The following SLC39A12 variants were observed in gnomAD, a reference collection of about 807,000 sequenced individuals.
SLC39A12 encodes the protein zinc transporter ZIP12.
Under a neutral mutation model 71.1 loss-of-function variants are expected in SLC39A12, and 63 were observed. The observed-to-expected ratio is 0.89, with a 90% confidence interval of 0.72 to 1.09. SLC39A12 has a LOEUF of 1.09. Ranked by LOEUF, SLC39A12 falls within the 50% of genes least tolerant of loss-of-function variation. The pLI is 0.00. For missense variants in SLC39A12, 892 were observed against 812.6 expected (o/e 1.10, Z -1.19); for synonymous variants, 351 against 301.3 (o/e 1.16, Z -1.71).
rs746406849 is a variant in SLC39A12, at chr10:17,977,912, A to G, written c.762A>G (p.Gln254=). 3.2e-6 allele frequency: 5 copies of G among 1,585,794 alleles called. No homozygotes were observed. The Admixed American group carries it at 9.5e-5, about 30-fold the overall frequency. ...TNTLRLSELD[Q]LLNTLWTRST... ...ATATGAAATTTCTAGAACTAGACCA[A>G]CTCCTCAACACTCTCTGGACCAGAA... The change falls in exon 5 of 13, where the codon CAA becomes CAG. Residue 254 remains glutamine (Q), a synonymous_variant. Transcript: ENST00000377369.
At chr10:18,026,888 AT>A in intron 12 of SLC39A12, among the ~76,000 whole-genome samples, 1 of 151,328 alleles carries the variant, frequency 6.6e-6, no homozygotes, top group South Asian at 2.1e-4. Flanking sequence ...TATAATTTCC[AT>A]TTTTCTGCTT....
chr10:18,005,454 T>C lies in SLC39A12; in HGVS notation c.1947+2096T>C, dbSNP rs113784758. 425 of 152,366 alleles carry C rather than the reference T, an allele frequency of 2.8e-3. 2 individuals are homozygous for C. Among genetic ancestry groups the C allele is most frequent in the African/African-American group, 9.7e-3 (402 of 41,584 alleles). 9.4% of individuals were successfully genotyped at this position (152,366 alleles called of 1,614,324 possible). On this transcript the variant is annotated intron_variant, in intron 12 of 12. Transcript: ENST00000377369. ...TCAGTCCTCAGATTCACTCTTGAGC[T>C]TCCTAATTTTCAACTTTCGATTTCT...
At chr10:18,010,420 T>C (rs1207413777) in intron 12 of SLC39A12, 1 of 152,200 alleles carries the variant, frequency 6.6e-6, no homozygotes, top group Non-Finnish European at 1.5e-5. Context: ...ATCCTTTGGC[T>C]GAGAAAGAAA....
intron 4 of SLC39A12, among the ~76,000 whole-genome samples, chr10:17,968,955 C>G (rs374570456): frequency 6.6e-6 from 1 of 152,038 alleles, no homozygotes; most frequent in African/African-American, 2.4e-5. Flanking sequence ...ATTTCCCAAC[C>G]TCTGGAAACC....
intron 12 of SLC39A12, chr10:18,010,618 A>G (rs1836187248): frequency 6.6e-6 from 1 of 152,200 alleles, no homozygotes; most frequent in East Asian, 1.9e-4. Context: ...TGAGTAATTA[A>G]GCCAACTTTG....
intron 4 of SLC39A12, among the ~76,000 whole-genome samples, chr10:17,977,467 G>A (rs1187639226): frequency 6.6e-6 from 1 of 152,012 alleles, no homozygotes; most frequent in East Asian, 1.9e-4. Context: ...GCTATACTGA[G>A]GGAAACTAAT....
chr10:17,999,090 A>G (rs1589239252), intron 10 of SLC39A12, among the ~76,000 whole-genome samples: 1 of 152,066 alleles, frequency 6.6e-6, no homozygotes, highest in African/African-American at 2.4e-5. Flanking sequence ...GGAGGTCAGG[A>G]GTTCGAGACC....
intron 12 of SLC39A12, chr10:18,008,412 A>C (rs111964090): frequency 0.048 from 7,342 of 152,344 alleles, 226 homozygotes; most frequent in South Asian, 0.082. Context: ...CAGGAAAACA[A>C]GCTTAGGGCC....
chr10:17,984,667 T>C (rs540837332), intron 6 of SLC39A12, among the ~76,000 whole-genome samples: 1 of 152,334 alleles, frequency 6.6e-6, no homozygotes, highest in Admixed American at 6.5e-5. Flanking sequence ...ATTAGAATGA[T>C]AAAAGACACG....
In SLC39A12 at chr10:17,966,868, G is replaced by A. The variant is rs184812043; in HGVS notation, c.751+1178G>A. Among the ~76,000 whole-genome samples, 597 of 152,032 alleles carry A rather than the reference G, an allele frequency of 3.9e-3. 14 individuals are homozygous for A. Among genetic ancestry groups the A allele is most frequent in the South Asian group, 0.027 (132 of 4,808 alleles). ...GTGTGCCTGTAGTCCCAGCTACTCCGGAGGCTGAGGCAGGAGAATTGCTTG... is the reference window on the plus strand; with the variant it reads ...GTGTGCCTGTAGTCCCAGCTACTCCAGAGGCTGAGGCAGGAGAATTGCTTG... On this transcript the variant is annotated intron_variant, in intron 4 of 12. Coordinates refer to ENST00000377369, the MANE Select transcript of SLC39A12 (RefSeq NM_001145195.2).
intron 2 of SLC39A12, 56 bp downstream of exon 2, chr10:17,953,593 A>G (rs1834464059): frequency 6.4e-7 from 1 of 1,572,848 alleles, no homozygotes; most frequent in Non-Finnish European, 8.6e-7. Flanking sequence ...AAAGCAATGG[A>G]TTCTATAGGG....
At chr10:17,992,044 G>A (rs556143576) in intron 8 of SLC39A12, among the ~76,000 whole-genome samples, 123 of 137,602 alleles carry the variant, frequency 8.9e-4, no homozygotes, top group Non-Finnish European at 1.5e-3. Context: ...AGCCGAGATC[G>A]CGCCACTACA....
chr10:18,019,920 A>G (rs989847436), intron 12 of SLC39A12, among the ~76,000 whole-genome samples: 1 of 152,080 alleles, frequency 6.6e-6, no homozygotes, highest in African/African-American at 2.4e-5. Context: ...ATTATGTCCA[A>G]TTGATTGATG....
At chr10:17,983,168 C>CAAAAAAAAA (rs59513976) in intron 6 of SLC39A12, among the ~76,000 whole-genome samples, 3 of 60,596 alleles carry the variant, frequency 5.0e-5, no homozygotes, top group Admixed American at 2.2e-4. Flanking sequence ...GACTCCATCT[C>CAAAAAAAAA]AAAAAAAAAA....
chr10:17,957,685 C>T (rs1360545784), intron 2 of SLC39A12, among the ~76,000 whole-genome samples: 1 of 152,140 alleles, frequency 6.6e-6, no homozygotes, highest in Non-Finnish European at 1.5e-5. Flanking sequence ...TGGCGTCGAA[C>T]TGAAAATTCC....
At chr10:17,985,799 T>A (rs952169057) in intron 6 of SLC39A12, among the ~76,000 whole-genome samples, 4 of 152,036 alleles carry the variant, frequency 2.6e-5, no homozygotes, top group Non-Finnish European at 5.9e-5. Flanking sequence ...ATATATATAT[T>A]TTTTCTTTCA....
At chr10:17,956,756 C>A (rs567090424) in intron 2 of SLC39A12, among the ~76,000 whole-genome samples, 1 of 152,214 alleles carries the variant, frequency 6.6e-6, no homozygotes, top group Non-Finnish European at 1.5e-5. Context: ...TTAATTCACA[C>A]CTGGCCCTAG....
chr10:18,003,946 AT>A (rs1419110837), intron 12 of SLC39A12, among the ~76,000 whole-genome samples: 1 of 152,210 alleles, frequency 6.6e-6, no homozygotes, highest in Non-Finnish European at 1.5e-5. Context: ...CGCTGATGAA[AT>A]GAGAAAGAAG....
At chr10:18,015,667 A>G (rs1430152720) in intron 12 of SLC39A12, among the ~76,000 whole-genome samples, 9 of 152,124 alleles carry the variant, frequency 5.9e-5, no homozygotes, top group African/African-American at 1.7e-4. Context: ...GAGTGACAGA[A>G]CTATGTGGGT....
Sources: allele counts gnomAD v4.1 joint callset (sites outside exome capture counted in the v4.1 genomes callset), GRCh38; gene constraint gnomAD v4.1.1; transcripts MANE v1.5; gene names NCBI Gene and HGNC (gene_info 2026-07-23, HGNC 2026-07-21).